MYBL1: variants seen among roughly 807,000 people sequenced by gnomAD.
The protein encoded by MYBL1 is myb-related protein A.
Under a neutral mutation model 96.3 loss-of-function variants are expected in MYBL1, and 17 were observed. The ratio of observed to expected loss-of-function variants is 0.18; its 90% CI spans 0.12 to 0.26. The LOEUF is 0.26. MYBL1 is among the 10% of genes least tolerant of loss of function. The probability of loss-of-function intolerance (pLI) is 1.00; values close to 1 mark genes in which losing one functional copy is unlikely to be tolerated. For synonymous variants in MYBL1, 282 were observed against 292.7 expected (o/e 0.96, Z 0.37); for missense variants, 701 against 882.9 (o/e 0.79, Z 2.61).
rs754674710 is a variant in MYBL1 at position 66,576,322 on chromosome 8, A to C, written c.1155T>G (p.Ala385=). 53 of 1,613,862 alleles carry C rather than the reference A, an allele frequency of 3.3e-5. No homozygotes were observed. In the South Asian group the frequency reaches 5.5e-4, roughly 17 times the overall value. ...VTSFDISDAA[A]SPIKSTPVKL... Reference sequence around the variant, plus strand: ...TAACTGGGGTGGATTTGATAGGAGAAGCAGCAGCATCAGAAATATCAAAAC... The same window carrying C: ...TAACTGGGGTGGATTTGATAGGAGACGCAGCAGCATCAGAAATATCAAAAC... Residue 385 remains alanine, a synonymous_variant, in exon 10 of 16, where the codon GCT becomes GCG. Transcript: ENST00000522677.
At chr8:66,601,924 T>A (rs890422463) in intron 2 of MYBL1, among the ~76,000 whole-genome samples, 155 bp from the exon 3 acceptor site, 17 of 152,242 alleles carry the variant, frequency 1.1e-4, no homozygotes, top group African/African-American at 4.1e-4. Flanking sequence ...TTTATTATAC[T>A]GTTTCTCTAA....
chr8:66,578,141 A>C (rs1809042803), intron 9 of MYBL1, among the ~76,000 whole-genome samples: 1 of 152,102 alleles, frequency 6.6e-6, no homozygotes, highest in Admixed American at 6.5e-5. Flanking sequence ...AAGAAAACCT[A>C]GGCATTACCA....
chr8:66,589,320 T>C (rs1472356741), intron 8 of MYBL1, among the ~76,000 whole-genome samples: 2 of 148,188 alleles, frequency 1.3e-5, no homozygotes, highest in Non-Finnish European at 3.0e-5. Context: ...CTTTGTGGCT[T>C]TTTTTTTTTT....
Position 66,566,778 on chromosome 8 carries a change from G to A in MYBL1, c.1856C>T (p.Ser619Phe). ...YKSCKQENTA[S>F]GKKVRKSLVL... ...TAGTGATTTTCTGACTTTCTTCCCA[G>A]AAGCGGTATTCTAGAATGAGTAATT... Residue 619 changes from serine (S) to phenylalanine (F), a missense_variant, in exon 14 of 16, where the codon TCT (serine) becomes TTT (phenylalanine). Around this residue, in one of 5 missense-constraint regions of MYBL1, gnomAD observed 63 missense variants for 109.2 expected, o/e 0.58. Transcript: ENST00000522677. 6.2e-7 allele frequency: 1 copy of A among 1,608,932 alleles called. No homozygotes were observed. The highest frequency in any genetic ancestry group is 8.5e-7 in the Non-Finnish European group (1 of 1,176,284).
chr8:66,606,110 C>T (rs965632973), intron 1 of MYBL1, among the ~76,000 whole-genome samples: 1 of 152,148 alleles, frequency 6.6e-6, no homozygotes, highest in Non-Finnish European at 1.5e-5. Context: ...CTGGAAGATA[C>T]TAAAGACAAA....
At chr8:66,610,759 A>G (rs527344540) in intron 1 of MYBL1, among the ~76,000 whole-genome samples, 1 of 152,272 alleles carries the variant, frequency 6.6e-6, no homozygotes, top group African/African-American at 2.4e-5. Flanking sequence ...TACGTGGGCA[A>G]GAAATGTAAT....
At chr8:66,573,302 C>T in intron 11 of MYBL1, 62 bp downstream of exon 11, 2 of 1,409,374 alleles carry the variant, frequency 1.4e-6, no homozygotes, top group Non-Finnish European at 1.9e-6. Context: ...GCACAAAAAG[C>T]TAATCTACTT....
intron 9 of MYBL1, among the ~76,000 whole-genome samples, chr8:66,578,591 G>A (rs1469401085): frequency 6.6e-6 from 1 of 151,972 alleles, no homozygotes; most frequent in Non-Finnish European, 1.5e-5. Flanking sequence ...ACAGGTGCTG[G>A]AGAGGATGTG....
rs1436935659 is a variant in MYBL1 at position 66,612,937 on chromosome 8, C to T, written c.-99G>A. 3.8e-5 allele frequency: 48 copies of T among 1,255,886 alleles called. No homozygotes were observed. The South Asian group carries it at 8.0e-4, about 21-fold the overall frequency. 77.8% of individuals were successfully genotyped at this position (1,255,886 alleles called of 1,614,324 possible). On this transcript the variant is annotated 5_prime_UTR_variant, in exon 1 of 16. Coordinates refer to ENST00000522677, the MANE Select transcript of MYBL1 (RefSeq NM_001080416.4). ...TTCTCCCCGATCCTCTAGCCGCTTC[C>T]CTCGCTCCCTCTGGAGGCGGCCGAG...
chr8:66,610,672 C>T (rs1202541554), intron 1 of MYBL1, among the ~76,000 whole-genome samples: 1 of 152,090 alleles, frequency 6.6e-6, no homozygotes, highest in African/African-American at 2.4e-5. Flanking sequence ...AAACAATTCA[C>T]ACTCTATCCT....
At chr8:66,580,108 G>A in intron 9 of MYBL1, 25 bp downstream of exon 9, 1 of 1,514,410 alleles carries the variant, frequency 6.6e-7, no homozygotes, top group Non-Finnish European at 9.1e-7. Context: ...TTGAACTTTT[G>A]ATAATCTTAC....
intron 15 of MYBL1, 39 bp downstream of exon 15, chr8:66,566,025 C>A: frequency 7.2e-7 from 1 of 1,382,380 alleles, no homozygotes; most frequent in Non-Finnish European, 9.7e-7. Context: ...ATTGACTAAA[C>A]AAAAACAAAA....
chr8:66,602,731 ATATTTTTTTTTTT>A (rs1435024619), intron 1 of MYBL1, among the ~76,000 whole-genome samples: 2 of 40,144 alleles, frequency 5.0e-5, no homozygotes, highest in East Asian at 7.4e-4. Flanking sequence ...ATATATATAT[ATATTTTTTTTTTT>A]TTTTTTTTTT....
intron 11 of MYBL1, 75 bp downstream of exon 11, chr8:66,573,289 T>G: frequency 7.5e-7 from 1 of 1,324,592 alleles, no homozygotes; most frequent in South Asian, 1.8e-5. Context: ...TTGCTATTTA[T>G]ATGCACAAAA....
intron 12 of MYBL1, among the ~76,000 whole-genome samples, chr8:66,570,825 T>C (rs1808699636): frequency 6.6e-6 from 1 of 152,200 alleles, no homozygotes; most frequent in Non-Finnish European, 1.5e-5. Context: ...AAAAGTGTTA[T>C]AAAATAATAA....
rs185627205 is a variant in MYBL1 at position 66,573,455 on chromosome 8, A to G, written c.1522T>C (p.Phe508Leu). 3.3e-5 allele frequency: 54 copies of G among 1,612,148 alleles called. No individual in the cohort carries two copies. The Admixed American group carries it at 5.0e-4, about 15-fold the overall frequency. Residue 508 changes from phenylalanine (F) to leucine (L), a missense_variant, in exon 11 of 16, where the codon TTT (phenylalanine) becomes CTT (leucine). Phe to Leu is a conservative substitution (Grantham distance 22). Transcript: ENST00000522677. Reference protein sequence around the residue: ...NEQLNIENPSFTSTPICGQKA... With the variant: ...NEQLNIENPSLTSTPICGQKA... ...TGCCCACAAATAGGGGTTGATGTAA[A>G]TGAAGGATTTTCTATATTAAGTTGT...
intron 8 of MYBL1, among the ~76,000 whole-genome samples, chr8:66,586,042 G>GTTT (rs578179482): frequency 8.3e-4 from 88 of 105,780 alleles, no homozygotes; most frequent in African/African-American, 1.5e-3. Context: ...GTTTTTTGGT[G>GTTT]TTTTTTTTTT....
At position 66,572,469 on chromosome 8, in the gene MYBL1, T is replaced by C. The variant is rs1329455531; in HGVS notation, c.1728+13A>G. ...ATTAGGAAAATTATTAAAAATAAAA[T>C]GAATATACATACCACAATTTTAAGA... On this transcript the variant is annotated intron_variant, in intron 12 of 15. Transcript: ENST00000522677. 1.6e-6 allele frequency: 2 copies of C among 1,276,620 alleles called. No homozygotes were observed. The highest frequency in any genetic ancestry group is 2.2e-6 in the Non-Finnish European group (2 of 919,704). The allele number at this position is 1,276,620 out of a possible 1,614,324, so 79.1% of individuals were successfully genotyped here. A position where few individuals can be genotyped will look rare whatever the true frequency, so the allele number is the denominator to read the frequency against.
chr8:66,572,943 A>G (rs1436229380), intron 11 of MYBL1, among the ~76,000 whole-genome samples: 1 of 152,126 alleles, frequency 6.6e-6, no homozygotes, highest in Non-Finnish European at 1.5e-5. Context: ...GGCCGGCCAC[A>G]GTGGCTCACA....
Sources: gnomAD v4.1 joint callset for allele counts (sites outside exome capture counted in the v4.1 genomes callset) on GRCh38, gnomAD v4.1.1 for gene constraint, gnomAD v4.1.1 regional missense constraint, MANE v1.5 for transcripts, NCBI Gene and HGNC (gene_info 2026-07-23, HGNC 2026-07-21) for gene names.